HECTD4: variants seen among roughly 807,000 people sequenced by gnomAD.
The protein encoded by HECTD4 is HECT domain E3 ubiquitin protein ligase 4.
In HECTD4, 114 loss-of-function variants were observed where a neutral mutation model predicts 471.5. That is an observed-to-expected ratio of 0.24 (90% CI 0.21 to 0.28). The LOEUF (loss-of-function observed/expected upper bound fraction) is 0.28, where lower values mean the gene tolerates loss of function less well. Ranked by LOEUF, HECTD4 falls within the 10% of genes least tolerant of loss-of-function variation. HECTD4 has a pLI of 1.00. For missense variants in HECTD4, 3,866 were observed against 5,651.5 expected, an observed-to-expected ratio of 0.68 and a Z score of 10.13; for synonymous variants, 2,012 against 2,256.0, an observed-to-expected ratio of 0.89 and a Z score of 3.07.
chr12:112,371,349 G>A (rs895875636), intron 1 of HECTD4, among the ~76,000 whole-genome samples: 2 of 152,114 alleles, frequency 1.3e-5, no homozygotes, highest in Admixed American at 6.6e-5. Context: ...GCCGAGGTGG[G>A]TGGAGCACCT....
intron 32 of HECTD4, among the ~76,000 whole-genome samples, chr12:112,240,702 C>T (rs920395104): frequency 8.5e-5 from 13 of 152,234 alleles, no homozygotes; most frequent in Admixed American, 3.9e-4. Flanking sequence ...CCTCCCACCT[C>T]GGCCTCCCAA....
intron 44 of HECTD4, among the ~76,000 whole-genome samples, chr12:112,224,889 T>C (rs1448935304): frequency 1.3e-5 from 2 of 152,208 alleles, no homozygotes; most frequent in Non-Finnish European, 2.9e-5. Context: ...AAGTGATTAA[T>C]TCAGCATGTT....
At chr12:112,252,330 A>G in intron 23 of HECTD4, 94 bp downstream of exon 23, 1 of 1,279,568 alleles carries the variant, frequency 7.8e-7, no homozygotes. Flanking sequence ...AGTGACTCAT[A>G]TTCTGCCCTG....
chr12:112,218,297 T>C (rs944104494), intron 45 of HECTD4, among the ~76,000 whole-genome samples: 5 of 152,188 alleles, frequency 3.3e-5, no homozygotes, highest in African/African-American at 1.2e-4. Flanking sequence ...TTTTAATATA[T>C]TCACAGAGTT....
At chr12:112,336,557 G>T (rs958339166) in intron 1 of HECTD4, among the ~76,000 whole-genome samples, 1 of 151,374 alleles carries the variant, frequency 6.6e-6, no homozygotes, top group Non-Finnish European at 1.5e-5. Flanking sequence ...ATAAAAATTG[G>T]AAATTTGAAT....
chr12:112,196,182 G>A (rs747907037), intron 55 of HECTD4, among the ~76,000 whole-genome samples: 1 of 152,144 alleles, frequency 6.6e-6, no homozygotes, highest in Non-Finnish European at 1.5e-5. Flanking sequence ...CTGAACCCAC[G>A]GGGGTCATTT....
chr12:112,235,511 C>A lies in HECTD4; in HGVS notation c.5718G>T (p.Val1906=). The A allele has an allele frequency of 6.2e-7, 1 of 1,609,642 alleles. No homozygotes were observed. The highest frequency in any genetic ancestry group is 1.1e-5 in the South Asian group (1 of 90,548). The change falls in exon 36 of 76, where the codon GTG becomes GTT. Residue 1906 remains valine (V), a synonymous_variant. Transcript: ENST00000682272. This position sits in a 1 kb window ranked among gnomAD's most constrained non-coding sequence, Gnocchi z 5.0. ...SLLLAKLADY[V]VPGCQTVLSP... ...TGTTGAGGAGCTTCTCACCTGGAAC[C>A]ACATAATCTGCCAGCTTTGCTAAGA... is the stretch of plus-strand genomic sequence containing the variant.
Position 112,205,132 on chromosome 12 carries a change from CA to C in HECTD4, c.8132-510del, listed in dbSNP as rs397851178. Among the ~76,000 whole-genome samples the C allele has an allele frequency of 3.9e-3, 306 of 77,698 alleles. 2 individuals are homozygous for C. Among genetic ancestry groups the C allele is most frequent in the Admixed American group, 6.3e-3 (45 of 7,132 alleles). The allele number at this position is 77,698 out of a possible 152,430, so 51.0% of individuals were successfully genotyped here. Reference sequence around the variant, plus strand: ...TCAATGACAGGGAAAGACTCCATCTCAAAAAAAAAAAAAAAAAAAATGGCCA... The same window carrying C: ...TCAATGACAGGGAAAGACTCCATCTCAAAAAAAAAAAAAAAAAAATGGCCA... On this transcript the variant is annotated intron_variant, in intron 52 of 75. Transcript: ENST00000682272.
chr12:112,344,076 A>C (rs1309275145), intron 1 of HECTD4, among the ~76,000 whole-genome samples: 1 of 152,194 alleles, frequency 6.6e-6, no homozygotes, highest in Non-Finnish European at 1.5e-5. Flanking sequence ...GGAAAATGGA[A>C]TGGGTTTTGA....
At chr12:112,247,980 A>G in intron 27 of HECTD4, 87 bp downstream of exon 27, 3 of 738,732 alleles carry the variant, frequency 4.1e-6, no homozygotes, top group South Asian at 5.1e-5. Context: ...TTTTACCTAC[A>G]CACACACACA....
Position 112,228,750 on chromosome 12 carries a change from C to T in HECTD4, c.6581G>A (p.Gly2194Asp), listed in dbSNP as rs758020849. ...GVVASINEQE[G>D]IATVRFPPID... ...GGGTGGGAATCTGACTGTAGCTATA[C>T]CTTCCTGTTCATTGATAGAAGCCAC... Residue 2194 changes from glycine to aspartate, a missense_variant, in exon 42 of 76, where the codon GGT (glycine) becomes GAT (aspartate). Transcript: ENST00000682272. The surrounding 1 kb of genome is among the most constrained non-coding windows in gnomAD (Gnocchi z 4.9). 3.7e-6 allele frequency: 6 copies of T among 1,613,630 alleles called. No individual in the cohort carries two copies. The South Asian group carries it at 4.4e-5, about 12-fold the overall frequency.
At chr12:112,289,834 G>A (rs889422429) in intron 7 of HECTD4, among the ~76,000 whole-genome samples, 88 of 151,992 alleles carry the variant, frequency 5.8e-4, no homozygotes, top group African/African-American at 1.9e-3. Context: ...GTACCACCAC[G>A]CCCAGCTAAT....
chr12:112,274,620 C>G, intron 10 of HECTD4, among the ~76,000 whole-genome samples: 1 of 152,060 alleles, frequency 6.6e-6, no homozygotes, highest in East Asian at 1.9e-4. Flanking sequence ...GATGGGAGGA[C>G]TGCTTGAGCC....
At chr12:112,200,820 T>C (rs760170094) in intron 54 of HECTD4, 22 bp from the exon 55 acceptor site, 1 of 1,605,724 alleles carries the variant, frequency 6.2e-7, no homozygotes, top group Non-Finnish European at 8.5e-7. Flanking sequence ...AAAGAAAATG[T>C]CTGTTTGTGC....
chr12:112,183,910 C>T (rs897922420), intron 61 of HECTD4, among the ~76,000 whole-genome samples: 1 of 152,188 alleles, frequency 6.6e-6, no homozygotes, highest in African/African-American at 2.4e-5. Context: ...ATTCAAGATG[C>T]GATGGGGCTG....
chr12:112,309,967 C>T, intron 4 of HECTD4, among the ~76,000 whole-genome samples: 1 of 152,144 alleles, frequency 6.6e-6, no homozygotes, highest in Non-Finnish European at 1.5e-5. Flanking sequence ...TTAGTCAAGT[C>T]ATTCCTAATT....
At chr12:112,299,957 G>A (rs1202482122) in intron 7 of HECTD4, among the ~76,000 whole-genome samples, 1 of 152,146 alleles carries the variant, frequency 6.6e-6, no homozygotes, top group Non-Finnish European at 1.5e-5. Flanking sequence ...CACTTTGGTT[G>A]AATATGTACT....
chr12:112,345,874 G>A (rs78834294), intron 1 of HECTD4, among the ~76,000 whole-genome samples: 1,857 of 152,274 alleles, frequency 0.012, 43 homozygotes, highest in Non-Finnish European at 0.012. Flanking sequence ...CAGCCTGGGC[G>A]ATAGAGCGAG....
Position 112,172,797 on chromosome 12 carries a change from C to T in HECTD4, c.11659G>A (p.Val3887Met), listed in dbSNP as rs745423381. Residue 3887 changes from valine to methionine, a missense_variant, in exon 67 of 76, where the codon GTG (valine) becomes ATG (methionine). Physicochemically the swap from Val to Met is conservative, Grantham distance 21. Coordinates refer to ENST00000682272, the MANE Select transcript of HECTD4 (RefSeq NM_001388303.1). ...ASRKWTLEMD[V>M]ALVQYINQLC... Reference sequence around the variant, plus strand: ...TGGTTGATGTACTGCACAAGTGCCACGTCCATCTCCAGGGTCCACTTTCTT... The same window carrying T: ...TGGTTGATGTACTGCACAAGTGCCATGTCCATCTCCAGGGTCCACTTTCTT... The T allele has an allele frequency of 1.4e-5, 23 of 1,613,872 alleles. No homozygotes were observed. Among genetic ancestry groups the T allele is most frequent in the South Asian group, 2.2e-5 (2 of 91,086 alleles).
Sources: gnomAD v4.1 joint callset for allele counts (sites outside exome capture counted in the v4.1 genomes callset) on GRCh38, gnomAD v4.1.1 for gene constraint, Gnocchi (gnomAD v3.1) non-coding constraint, MANE v1.5 for transcripts, NCBI Gene and HGNC (gene_info 2026-07-23, HGNC 2026-07-21) for gene names.